The following GPR179 variants were observed in gnomAD, a reference collection of about 807,000 sequenced individuals.
GPR179 encodes the protein probable G protein-coupled receptor 179.
In GPR179, 52 loss-of-function variants were observed where a neutral mutation model predicts 70.8. The ratio of observed to expected loss-of-function variants is 0.73; its 90% confidence interval spans 0.59 to 0.93. The LOEUF (loss-of-function observed/expected upper bound fraction) is 0.93. GPR179 is among the 40% of genes least tolerant of loss of function. The pLI is 0.00. For missense variants in GPR179, 2,734 were observed against 2,966.8 expected (o/e 0.92, Z 1.82); for synonymous variants, 1,123 against 1,169.0 (o/e 0.96, Z 0.80).
In GPR179 at chr17:38,339,220, T is replaced by TG. The variant is rs1241508267; in HGVS notation, c.903+196dup. The TG allele has an allele frequency of 8.7e-5, 45 of 515,774 alleles. No homozygotes were observed. The highest frequency in any genetic ancestry group is 1.1e-4 in the Non-Finnish European group (33 of 293,164). The allele number at this position is 515,774 out of a possible 1,614,324, so 31.9% of individuals were successfully genotyped here. A position where few individuals can be genotyped will look rare whatever the true frequency, so the allele number is the denominator to read the frequency against. On this transcript the variant is annotated intron_variant, in intron 2 of 10. Transcript: ENST00000616987. ...GGGCAGGAGCAGGAGGAATAGGGGG[T>TG]GGGGGGGCAGGCTGTAGGTGACCTG...
rs746778478 is a variant in GPR179, at chr17:38,339,470, T to C, written c.850A>G (p.Ser284Gly). ...LQSVDINQCA[S>G]GPGWYSNTHL... ...GTGTTAGAGTACCAGCCTGGGCCACTTGCACACTGATTGATGTCCACACTC... is the reference window on the plus strand; with the variant it reads ...GTGTTAGAGTACCAGCCTGGGCCACCTGCACACTGATTGATGTCCACACTC... Residue 284 changes from serine (S) to glycine (G), a missense_variant, in exon 2 of 11, where the codon AGT becomes GGT. Physicochemically the swap from Ser to Gly is moderately conservative, Grantham distance 56. Transcript: ENST00000616987. The C allele has an allele frequency of 6.2e-7, 1 of 1,614,078 alleles. No homozygotes were observed. Among genetic ancestry groups the C allele is most frequent in the Middle Eastern group, 1.6e-4 (1 of 6,062 alleles).
chr17:38,328,617 CA>C lies in GPR179; in HGVS notation c.4951del (p.Trp1651GlyfsTer47). On this transcript the variant is annotated frameshift_variant, in exon 11 of 11. Coordinates refer to ENST00000616987, the MANE Select transcript of GPR179 (RefSeq NM_001004334.4). LOFTEE classifies it low-confidence loss of function (END_TRUNC). ...GAAGCTGCCAGGGTCCACACTCTCC[CA>C]GGGGCCGACCGCTTCTTGCTTTTGG... The part of the protein sequence containing the change: ...QIQKQEAVGP[W>X]ESVDPGSFSP... 2 of 1,614,214 alleles carry C rather than the reference CA, an allele frequency of 1.2e-6. No individual in the cohort carries two copies. The highest frequency in any genetic ancestry group is 8.5e-7 in the Non-Finnish European group (1 of 1,180,028).
At position 38,329,704 on chromosome 17, in the gene GPR179, T is replaced by A. The variant is rs778087674; in HGVS notation, c.3865A>T (p.Lys1289Ter). The A allele has an allele frequency of 6.2e-7, 1 of 1,614,184 alleles. No individual in the cohort carries two copies. ...LRQDPGDSQK[K>*]RGEARGKSEP... Reference sequence around the variant, plus strand: ...GATTTTCCCCGGGCCTCCCCTCTCTTTTTTTGGGAGTCACCTGGGTCTTGT... The same window carrying A: ...GATTTTCCCCGGGCCTCCCCTCTCTATTTTTGGGAGTCACCTGGGTCTTGT... The change falls in exon 11 of 11, where the codon AAG (lysine) becomes TAG (stop). Residue 1289 changes from lysine to a stop codon, truncating the protein, a stop_gained. Coordinates refer to ENST00000616987, the MANE Select transcript of GPR179 (RefSeq NM_001004334.4). LOFTEE classifies it low-confidence loss of function (END_TRUNC).
At position 38,337,643 on chromosome 17, in the gene GPR179, G is replaced by A. The variant is rs755473185; in HGVS notation, c.981C>T (p.Ser327=). 5 of 1,604,556 alleles carry A rather than the reference G, an allele frequency of 3.1e-6. 1 individual carries two copies. The highest frequency in any genetic ancestry group is 4.3e-6 in the Non-Finnish European group (5 of 1,175,840). ...ACCACACTTACATACCCCCAGAGGGGCTTGCCCCGTAGAATCCAGGTCGGC... is the reference window on the plus strand; with the variant it reads ...ACCACACTTACATACCCCCAGAGGGACTTGCCCCGTAGAATCCAGGTCGGC... The part of the protein sequence containing the change: ...CRCRPGFYGA[S]PSGGLEESDF... The change falls in exon 3 of 11, where the codon AGC becomes AGT. Residue 327 remains serine, a synonymous_variant. Transcript: ENST00000616987.
chr17:38,326,656 T>C lies in GPR179; in HGVS notation c.6913A>G (p.Thr2305Ala). 1 of 1,614,088 alleles carries C rather than the reference T, an allele frequency of 6.2e-7. No homozygotes were observed. The highest frequency in any genetic ancestry group is 1.1e-5 in the South Asian group (1 of 91,072). Residue 2305 changes from threonine to alanine, a missense_variant, in exon 11 of 11, where the codon ACT (threonine) becomes GCT (alanine). Transcript: ENST00000616987. ...PKVSRPASTF[T>A]LEGVRELQGP... ...TGTAGTTCTCTGACACCTTCTAGAG[T>C]GAAAGTACTGGCTGGCCTGCTTACC...
chr17:38,325,439 G>A lies in GPR179; in HGVS notation c.*1026C>T, dbSNP rs1372308286. 7.1e-6 allele frequency: 1 copy of A among 140,458 alleles called. No individual in the cohort carries two copies. The highest frequency in any genetic ancestry group is 2.6e-5 in the African/African-American group (1 of 38,698). 8.7% of individuals were successfully genotyped at this position (140,458 alleles called of 1,614,324 possible). A position where few individuals can be genotyped will look rare whatever the true frequency, so the allele number is the denominator to read the frequency against. On this transcript the variant is annotated 3_prime_UTR_variant, in exon 11 of 11. Transcript: ENST00000616987. ...GAGATTGATGTGGCCTCTTGTTACTGAGCAAGTGATTCTTGGGCGGGGAGG... is the reference window on the plus strand; with the variant it reads ...GAGATTGATGTGGCCTCTTGTTACTAAGCAAGTGATTCTTGGGCGGGGAGG...
In GPR179 at chr17:38,330,513, T is replaced by C. The variant is rs1323677840; in HGVS notation, c.3056A>G (p.His1019Arg). 1.9e-6 allele frequency: 3 copies of C among 1,553,798 alleles called. No individual in the cohort carries two copies. Among genetic ancestry groups the C allele is most frequent in the South Asian group, 2.5e-5 (2 of 79,894 alleles). ...QEGPSGPERG[H>R]HSPAPARARL... ...GGCTCGAGCTGGGGCAGGGGAGTGG[T>C]GGCCTCGCTCTGGCCCTGAGGGGCC... Residue 1019 changes from histidine (H) to arginine (R), a missense_variant, in exon 11 of 11, where the codon CAC (histidine) becomes CGC (arginine). His to Arg is a conservative substitution (Grantham distance 29). Transcript: ENST00000616987.
intron 10 of GPR179, among the ~76,000 whole-genome samples, chr17:38,332,184 A>G (rs1370841130): frequency 6.6e-6 from 1 of 152,128 alleles, no homozygotes; most frequent in Non-Finnish European, 1.5e-5. Flanking sequence ...AAACGGGCAG[A>G]GGCACTGGAA....
Position 38,330,295 on chromosome 17 carries a change from T to TA in GPR179, c.3273dup (p.Lys1092Ter). ...GTGCTCCGAGAACGGGTCAGAGCTT[T>TA]AATCGCCAGCCCCAGGCTGCGCATG... On this transcript the variant is annotated frameshift_variant, in exon 11 of 11. Transcript: ENST00000616987. LOFTEE classifies it low-confidence loss of function (END_TRUNC). 1 of 1,611,680 alleles carries TA rather than the reference T, an allele frequency of 6.2e-7. No individual in the cohort carries two copies. The highest frequency in any genetic ancestry group is 2.2e-5 in the East Asian group (1 of 44,820).
rs1349066788 is a variant in GPR179 at position 38,329,718 on chromosome 17, C to T, written c.3851G>A (p.Gly1284Asp). ...PESRALRQDPGDSQKKRGEAR... is the reference protein window; with the variant it reads ...PESRALRQDPDDSQKKRGEAR... The stretch of plus-strand genomic sequence containing the variant: ...CTCCCCTCTCTTTTTTTGGGAGTCA[C>T]CTGGGTCTTGTCTTAGTGCCCTCGA... The change falls in exon 11 of 11, where the codon GGT (glycine) becomes GAT (aspartate). Residue 1284 changes from glycine to aspartate, a missense_variant. Transcript: ENST00000616987. 9 of 1,614,064 alleles carry T rather than the reference C, an allele frequency of 5.6e-6. No homozygotes were observed. The highest frequency in any genetic ancestry group is 4.0e-5 in the African/African-American group (3 of 74,914).
chr17:38,329,748 G>T lies in GPR179; in HGVS notation c.3821C>A (p.Pro1274Gln). 14 of 1,614,036 alleles carry T rather than the reference G, an allele frequency of 8.7e-6. No homozygotes were observed. The highest frequency in any genetic ancestry group is 1.2e-5 in the Non-Finnish European group (14 of 1,180,000). The part of the protein sequence containing the change: ...ICPWETSEGA[P>Q]ESRALRQDPG... The stretch of plus-strand genomic sequence containing the variant: ...GTCTTGTCTTAGTGCCCTCGACTCT[G>T]GGGCTCCTTCACTCGTCTCCCAGGG... The change falls in exon 11 of 11, where the codon CCA becomes CAA. Residue 1274 changes from proline (P) to glutamine (Q), a missense_variant. Transcript: ENST00000616987.
rs757310361 is a variant in GPR179, at chr17:38,328,166, C to T, written c.5403G>A (p.Val1801=). The T allele has an allele frequency of 5.0e-6, 8 of 1,611,744 alleles. No individual in the cohort carries two copies. The highest frequency in any genetic ancestry group is 2.7e-5 in the African/African-American group (2 of 74,080). ...CAGCTTCCTGTGCTTCCCAGGGACACACTTCACCTGGCCTGCAGCCCATAT... is the reference window on the plus strand; with the variant it reads ...CAGCTTCCTGTGCTTCCCAGGGACATACTTCACCTGGCCTGCAGCCCATAT... The part of the protein sequence containing the change: ...LDHMGCRPGE[V]CPWEAQEAAT... The change falls in exon 11 of 11, where the codon GTG becomes GTA. Residue 1801 remains valine, a synonymous_variant. Coordinates refer to ENST00000616987, the MANE Select transcript of GPR179 (RefSeq NM_001004334.4).
chr17:38,329,419 C>T lies in GPR179; in HGVS notation c.4150G>A (p.Glu1384Lys), dbSNP rs1207941380. Residue 1384 changes from glutamate (E) to lysine (K), a missense_variant, in exon 11 of 11, where the codon GAG (glutamate) becomes AAG (lysine). Coordinates refer to ENST00000616987, the MANE Select transcript of GPR179 (RefSeq NM_001004334.4). Reference protein sequence around the residue: ...DITKAEPCPWEASEGGEDGKP... With the variant: ...DITKAEPCPWKASEGGEDGKP... ...CCATCCTCGCCTCCTTCACTTGCCT[C>T]CCAGGGACACGGCTCTGCCTTGGTG... The T allele has an allele frequency of 1.2e-6, 2 of 1,614,080 alleles. No homozygotes were observed. Among genetic ancestry groups the T allele is most frequent in the Non-Finnish European group, 1.7e-6 (2 of 1,180,060 alleles).
Position 38,329,597 on chromosome 17 carries a change from C to T in GPR179, c.3972G>A (p.Glu1324=). ...VREQEAVCPW[E]SADRGGLSPG... is the part of the protein sequence containing the mutation. ...GGGACAGACCTCCTCGATCGGCACT[C>T]TCCCAGGGACACACTGCTTCCTGCT... is the stretch of plus-strand genomic sequence containing the variant. The change falls in exon 11 of 11, where the codon GAG becomes GAA. Residue 1324 remains glutamate, a synonymous_variant. Coordinates refer to ENST00000616987, the MANE Select transcript of GPR179 (RefSeq NM_001004334.4). 1.2e-6 allele frequency: 2 copies of T among 1,614,092 alleles called. No individual in the cohort carries two copies. The highest frequency in any genetic ancestry group is 1.7e-6 in the Non-Finnish European group (2 of 1,180,036).
Position 38,327,090 on chromosome 17 carries a change from G to A in GPR179, c.6479C>T (p.Ala2160Val), listed in dbSNP as rs1428091850. Reference sequence around the variant, plus strand: ...GTGTTCTTCCGTCCCTCCAGGTCCTGCCTTCTGAAGGAACATCTCTCCTTG... The same window carrying A: ...GTGTTCTTCCGTCCCTCCAGGTCCTACCTTCTGAAGGAACATCTCTCCTTG... ...QGQGEMFLQK[A>V]GPGGTEEHFS... The change falls in exon 11 of 11, where the codon GCA (alanine) becomes GTA (valine). Residue 2160 changes from alanine (A) to valine (V), a missense_variant. Transcript: ENST00000616987. 1 of 1,614,220 alleles carries A rather than the reference G, an allele frequency of 6.2e-7. No individual in the cohort carries two copies. Among genetic ancestry groups the A allele is most frequent in the South Asian group, 1.1e-5 (1 of 91,084 alleles).
At position 38,329,256 on chromosome 17, in the gene GPR179, G is replaced by T; in HGVS notation, c.4313C>A (p.Pro1438His). ...CPWESTDFRG[P>H]SAVSIQAPGS... ...TGGGGCCTGAATTGAGACTGCTGAGGGGCCCCGGAAATCTGTACTCTCCCA... is the reference window on the plus strand; with the variant it reads ...TGGGGCCTGAATTGAGACTGCTGAGTGGCCCCGGAAATCTGTACTCTCCCA... The change falls in exon 11 of 11, where the codon CCC (proline) becomes CAC (histidine). Residue 1438 changes from proline (P) to histidine (H), a missense_variant. By Grantham distance (77) the Pro-to-His change is moderately conservative. Coordinates refer to ENST00000616987, the MANE Select transcript of GPR179 (RefSeq NM_001004334.4). 1 of 1,613,628 alleles carries T rather than the reference G, an allele frequency of 6.2e-7. No homozygotes were observed. Among genetic ancestry groups the T allele is most frequent in the Non-Finnish European group, 8.5e-7 (1 of 1,179,778 alleles).
In GPR179 at chr17:38,329,505, G is replaced by T; in HGVS notation, c.4064C>A (p.Ala1355Asp). 1.9e-6 allele frequency: 3 copies of T among 1,613,866 alleles called. No homozygotes were observed. Among genetic ancestry groups the T allele is most frequent in the Non-Finnish European group, 1.7e-6 (2 of 1,179,982 alleles). Residue 1355 changes from alanine (A) to aspartate (D), a missense_variant, in exon 11 of 11, where the codon GCC becomes GAC. Transcript: ENST00000616987. ...CCACCCAGGCTTCTCCACCTTCCTG[G>T]CCTCCACACTGTCCCCCGCCTCAGA... is the stretch of plus-strand genomic sequence containing the variant. ...DKSEAGDSVE[A>D]RKVEKPGWEA...
chr17:38,338,001 G>T (rs1206657212), intron 2 of GPR179, among the ~76,000 whole-genome samples: 1 of 152,238 alleles, frequency 6.6e-6, no homozygotes, highest in East Asian at 1.9e-4. Flanking sequence ...GAGCCTCATA[G>T]GACCCATTTC....
At chr17:38,341,188 A>G (rs1326602570) in intron 1 of GPR179, among the ~76,000 whole-genome samples, 1 of 152,156 alleles carries the variant, frequency 6.6e-6, no homozygotes, top group Non-Finnish European at 1.5e-5. Context: ...TCTGTGGACA[A>G]CAGTCTTCTT....
Sources: gnomAD v4.1 joint callset for allele counts (sites outside exome capture counted in the v4.1 genomes callset) on GRCh38, gnomAD v4.1.1 for gene constraint, MANE v1.5 for transcripts, NCBI Gene and HGNC (gene_info 2026-07-23, HGNC 2026-07-21) for gene names.